VTI1A: variants seen among roughly 807,000 people sequenced by gnomAD.
The protein encoded by VTI1A is vesicle transport through interaction with t-SNAREs homolog 1A.
Under a neutral mutation model 34.9 loss-of-function variants are expected in VTI1A, and 22 were observed. The ratio of observed to expected loss-of-function variants is 0.63; its 90% confidence interval spans 0.45 to 0.90. The LOEUF is 0.90. Among genes scored for constraint, VTI1A ranks in the 40% least tolerant of loss-of-function variants. VTI1A has a pLI of 0.00. For missense variants in VTI1A, 268 were observed against 275.6 expected, an observed-to-expected ratio of 0.97 and a Z score of 0.20; for synonymous variants, 87 against 97.3, an observed-to-expected ratio of 0.89 and a Z score of 0.62.
At position 112,460,591 on chromosome 10, in the gene VTI1A, A is replaced by C. The variant is rs776744340; in HGVS notation, c.153+9A>C. On this transcript the variant is annotated intron_variant, in intron 2 of 7. Transcript: ENST00000393077. Reference sequence around the variant, plus strand: ...AAGAAGCGAAAGAACTGGTATGTACAGACAGTAATGTATTTTAACACACAG... The same window carrying C: ...AAGAAGCGAAAGAACTGGTATGTACCGACAGTAATGTATTTTAACACACAG... The C allele has an allele frequency of 5.0e-6, 8 of 1,589,198 alleles. No individual in the cohort carries two copies. In the South Asian group the frequency reaches 9.4e-5, roughly 19 times the overall value.
intron 5 of VTI1A, among the ~76,000 whole-genome samples, chr10:112,660,672 C>T (rs1291755535): frequency 1.3e-5 from 2 of 152,196 alleles, no homozygotes; most frequent in Non-Finnish European, 2.9e-5. Flanking sequence ...TACTGAGGAA[C>T]TAAAGTCTTA....
At chr10:112,540,872 G>A (rs1564819194) in intron 5 of VTI1A, among the ~76,000 whole-genome samples, 1 of 152,176 alleles carries the variant, frequency 6.6e-6, no homozygotes, top group South Asian at 2.1e-4. Context: ...GAAGAGAGGT[G>A]GAAGAACTAG....
intron 7 of VTI1A, among the ~76,000 whole-genome samples, chr10:112,741,416 A>G (rs556858739): frequency 3.1e-4 from 47 of 152,308 alleles, no homozygotes; most frequent in African/African-American, 1.1e-3. Flanking sequence ...GGATCACACT[A>G]CTTTACTCCA....
At chr10:112,548,717 A>T in intron 5 of VTI1A, 1 of 1,342,822 alleles carries the variant, frequency 7.4e-7, no homozygotes, top group African/African-American at 1.4e-5. Context: ...ACCCACAGCA[A>T]CTGTCTATCT....
intron 7 of VTI1A, among the ~76,000 whole-genome samples, chr10:112,806,997 C>T (rs1283090295): frequency 6.6e-6 from 1 of 152,234 alleles, no homozygotes; most frequent in Non-Finnish European, 1.5e-5. Context: ...AAACTGCCTG[C>T]TCTGCTCATG....
At chr10:112,550,981 C>A (rs368454275) in intron 5 of VTI1A, among the ~76,000 whole-genome samples, 1 of 152,126 alleles carries the variant, frequency 6.6e-6, no homozygotes. Context: ...CGGTGGCTCA[C>A]GCCTGTAATC....
the VTI1A span, among the ~76,000 whole-genome samples, chr10:112,845,343 C>G: frequency 6.6e-6 from 1 of 152,320 alleles, no homozygotes; most frequent in East Asian, 1.9e-4. Context: ...AGCACATTCT[C>G]CCATTGGCTG....
intron 5 of VTI1A, among the ~76,000 whole-genome samples, chr10:112,539,353 T>C (rs1589878024): frequency 6.6e-6 from 1 of 152,212 alleles, no homozygotes; most frequent in Admixed American, 6.5e-5. Flanking sequence ...ATGGCTGCCC[T>C]ATATTGGTTG....
In VTI1A at chr10:112,460,573, G is replaced by A. The variant is rs201100936; in HGVS notation, c.144G>A (p.Ala48=). ...ATGTGGAGAAACAGCTTGAAGAAGCGAAAGAACTGGTATGTACAGACAGTA... is the reference window on the plus strand; with the variant it reads ...ATGTGGAGAAACAGCTTGAAGAAGCAAAAGAACTGGTATGTACAGACAGTA... ...VANVEKQLEE[A]KELLEQMDLE... is the part of the protein sequence containing the mutation. The change falls in exon 2 of 8, where the codon GCG becomes GCA. Residue 48 remains alanine, a synonymous_variant. Transcript: ENST00000393077. The A allele has an allele frequency of 6.8e-6, 11 of 1,608,762 alleles. No individual in the cohort carries two copies. The highest frequency in any genetic ancestry group is 2.2e-5 in the East Asian group (1 of 44,540).
At chr10:112,615,713 A>G (rs1201740496) in intron 5 of VTI1A, among the ~76,000 whole-genome samples, 1 of 152,220 alleles carries the variant, frequency 6.6e-6, no homozygotes, top group Non-Finnish European at 1.5e-5. Context: ...TAAATAAATG[A>G]CATTTAAAAT....
chr10:112,774,202 C>A (rs1019846219), intron 7 of VTI1A, among the ~76,000 whole-genome samples: 3 of 152,190 alleles, frequency 2.0e-5, no homozygotes, highest in Non-Finnish European at 2.9e-5. Context: ...CTGAGGGCAC[C>A]AGAGAAGCAG....
chr10:112,473,402 G>A (rs535335433), intron 3 of VTI1A, among the ~76,000 whole-genome samples: 23 of 151,942 alleles, frequency 1.5e-4, no homozygotes, highest in Non-Finnish European at 2.9e-4. Flanking sequence ...GAGCCACTGC[G>A]CCCGTCCCAC....
intron 4 of VTI1A, among the ~76,000 whole-genome samples, chr10:112,530,277 T>C (rs993207179): frequency 2.0e-5 from 3 of 152,230 alleles, no homozygotes; most frequent in Non-Finnish European, 4.4e-5. Flanking sequence ...TTAAGCATTA[T>C]CATTCTATTC....
At chr10:112,837,324 C>G in the VTI1A span, among the ~76,000 whole-genome samples, 21 of 151,346 alleles carry the variant, frequency 1.4e-4, no homozygotes, top group Middle Eastern at 6.8e-3. Context: ...GAGACAACGT[C>G]TCAAAAAAAA....
rs140071394 is a variant in VTI1A at position 112,658,174 on chromosome 10, A to G, written c.428-10044A>G. ...ACAGTCATAGCTCACTGCAGCCTCA[A>G]TCTCCTAACCTCAAGTGATCTTCCC... On this transcript the variant is annotated intron_variant, in intron 5 of 7. Coordinates refer to ENST00000393077, the MANE Select transcript of VTI1A (RefSeq NM_145206.4). Among the ~76,000 whole-genome samples, 889 of 152,216 alleles carry G rather than the reference A, an allele frequency of 5.8e-3. 1 individual carries two copies. Among genetic ancestry groups the G allele is most frequent in the Non-Finnish European group, 9.4e-3 (638 of 67,992 alleles).
chr10:112,810,451 C>G (rs1853244487), intron 7 of VTI1A, among the ~76,000 whole-genome samples: 1 of 151,510 alleles, frequency 6.6e-6, no homozygotes, highest in Non-Finnish European at 1.5e-5. Flanking sequence ...GTCTTCAGGA[C>G]TGGGGTTCTA....
chr10:112,666,481 T>C (rs1847644507), intron 5 of VTI1A, among the ~76,000 whole-genome samples: 1 of 152,036 alleles, frequency 6.6e-6, no homozygotes, highest in Non-Finnish European at 1.5e-5. Flanking sequence ...AGTGCTGGCA[T>C]GGAAGCTCCA....
chr10:112,837,105 G>A, the VTI1A span, among the ~76,000 whole-genome samples: 5 of 152,152 alleles, frequency 3.3e-5, no homozygotes, highest in African/African-American at 1.2e-4. Flanking sequence ...GGCGGATCAC[G>A]AGGTCAGGAG....
chr10:112,770,500 A>G (rs1378168151), intron 7 of VTI1A, among the ~76,000 whole-genome samples: 1 of 149,802 alleles, frequency 6.7e-6, no homozygotes, highest in Non-Finnish European at 1.5e-5. Context: ...GGTTCACGCC[A>G]TTCTCCTGCC....
Sources: gnomAD v4.1 joint callset for allele counts (sites outside exome capture counted in the v4.1 genomes callset) on GRCh38, gnomAD v4.1.1 for gene constraint, MANE v1.5 for transcripts, NCBI Gene and HGNC (gene_info 2026-07-23, HGNC 2026-07-21) for gene names.